MAF: variants seen among roughly 807,000 people sequenced by gnomAD.
MAF encodes transcription factor Maf.
In MAF, 10 loss-of-function variants were observed where a neutral mutation model predicts 22.0. The ratio of observed to expected loss-of-function variants is 0.45; its 90% CI spans 0.28 to 0.77. MAF has a LOEUF of 0.77. MAF is among the 30% of genes least tolerant of loss of function. MAF has a pLI of 0.12. For missense variants in MAF, 544 were observed against 548.4 expected (o/e 0.99, Z 0.08); for synonymous variants, 337 against 255.8 (o/e 1.32, Z -3.03).
the MAF span, among the ~76,000 whole-genome samples, chr16:79,293,550 A>G: frequency 1.3e-5 from 2 of 152,198 alleles, no homozygotes; most frequent in African/African-American, 4.8e-5. Context: ...CAAATGAGTG[A>G]TGCTAGACAC....
At chr16:79,518,776 T>C in the MAF span, among the ~76,000 whole-genome samples, 1 of 152,106 alleles carries the variant, frequency 6.6e-6, no homozygotes, top group African/African-American at 2.4e-5. Flanking sequence ...AATACAAAAA[T>C]TAGCCAGGCT....
the MAF span, among the ~76,000 whole-genome samples, chr16:79,281,781 G>T: frequency 6.6e-6 from 1 of 152,006 alleles, no homozygotes; most frequent in Non-Finnish European, 1.5e-5. Context: ...TCTTGACCTT[G>T]TGATCTGCCT....
chr16:79,552,139 C>T, the MAF span, among the ~76,000 whole-genome samples: 5 of 152,162 alleles, frequency 3.3e-5, no homozygotes, highest in Admixed American at 6.5e-5. Flanking sequence ...TCTCTCAGGA[C>T]AACGGGAAAT....
the MAF span, among the ~76,000 whole-genome samples, chr16:79,553,557 C>A: frequency 4.6e-5 from 7 of 152,340 alleles, no homozygotes; most frequent in Admixed American, 2.0e-4. Context: ...TGTCATCTCA[C>A]CCGGAGCCTG....
At chr16:79,537,446 C>T in the MAF span, among the ~76,000 whole-genome samples, 1 of 152,124 alleles carries the variant, frequency 6.6e-6, no homozygotes, top group Non-Finnish European at 1.5e-5. Flanking sequence ...GCCCATTTTA[C>T]AGCTGAAGGC....
chr16:79,343,067 G>C, the MAF span, among the ~76,000 whole-genome samples: 1 of 152,164 alleles, frequency 6.6e-6, no homozygotes, highest in South Asian at 2.1e-4. Context: ...TGGAGACTGT[G>C]TTGGAGGCAA....
chr16:79,206,398 C>G, the MAF span: 1 of 152,220 alleles, frequency 6.6e-6, no homozygotes, highest in Non-Finnish European at 1.5e-5. Context: ...ACGTAATTAT[C>G]TGTATGGCTT....
At chr16:79,312,710 T>C in the MAF span, among the ~76,000 whole-genome samples, 2 of 152,240 alleles carry the variant, frequency 1.3e-5, no homozygotes, top group Non-Finnish European at 2.9e-5. Context: ...GCTACTTTCA[T>C]ATCTAATCGC....
chr16:79,276,383 A>T, the MAF span, among the ~76,000 whole-genome samples: 13 of 152,274 alleles, frequency 8.5e-5, no homozygotes, highest in South Asian at 6.2e-4. Context: ...AAAGGAGTTA[A>T]TGTTTACCCA....
chr16:79,297,868 C>T, the MAF span, among the ~76,000 whole-genome samples: 3 of 152,194 alleles, frequency 2.0e-5, no homozygotes, highest in Non-Finnish European at 2.9e-5. Context: ...AGGGCGCCCA[C>T]ACCCAGGCTG....
downstream of MAF, among the ~76,000 whole-genome samples, chr16:79,589,192 C>T (rs1451015135): frequency 6.6e-6 from 1 of 152,128 alleles, no homozygotes; most frequent in Non-Finnish European, 1.5e-5. Context: ...GGAAAAGATG[C>T]TTTCTGAAAT....
the MAF span, chr16:79,212,133 G>A: frequency 6.5e-7 from 1 of 1,529,408 alleles, no homozygotes; most frequent in Non-Finnish European, 8.7e-7. Flanking sequence ...AGAATAGCCT[G>A]AGGTCCCCTC....
the MAF span, among the ~76,000 whole-genome samples, chr16:79,328,176 C>T: frequency 7.9e-5 from 12 of 152,132 alleles, no homozygotes; most frequent in African/African-American, 2.4e-4. Context: ...AATATATTGC[C>T]GCCCTGGGAG....
chr16:79,479,831 G>A, the MAF span, among the ~76,000 whole-genome samples: 1 of 152,246 alleles, frequency 6.6e-6, no homozygotes, highest in Non-Finnish European at 1.5e-5. Flanking sequence ...TGAGAAAACT[G>A]GTGGTTCAAT....
chr16:79,567,295 G>A, the MAF span, among the ~76,000 whole-genome samples: 1 of 151,372 alleles, frequency 6.6e-6, no homozygotes, highest in South Asian at 2.1e-4. Context: ...TGTAGCCTGG[G>A]TGACAAGAGC....
chr16:79,232,831 G>T, the MAF span, among the ~76,000 whole-genome samples: 1 of 146,942 alleles, frequency 6.8e-6, no homozygotes, highest in Non-Finnish European at 1.5e-5. Context: ...GTAAAGATAA[G>T]CCATTCTTTT....
the MAF span, among the ~76,000 whole-genome samples, chr16:79,551,385 C>T: frequency 6.6e-6 from 1 of 152,182 alleles, no homozygotes; most frequent in Non-Finnish European, 1.5e-5. Flanking sequence ...GAATTGTTTT[C>T]ATGGCAGAAG....
the MAF span, among the ~76,000 whole-genome samples, chr16:79,507,885 T>A: frequency 1.3e-5 from 2 of 152,162 alleles, no homozygotes; most frequent in Non-Finnish European, 2.9e-5. Flanking sequence ...TAAAAATATA[T>A]AAAATACCTA....
At chr16:79,507,868 T>A in the MAF span, among the ~76,000 whole-genome samples, 6 of 152,190 alleles carry the variant, frequency 3.9e-5, no homozygotes, top group Non-Finnish European at 8.8e-5. Context: ...TTTGTATGCA[T>A]CCATTATAAA....
Sources: allele counts gnomAD v4.1 joint callset (sites outside exome capture counted in the v4.1 genomes callset), GRCh38; gene constraint gnomAD v4.1.1; transcripts MANE v1.5; gene names NCBI Gene and HGNC (gene_info 2026-07-23, HGNC 2026-07-21).